The following CDH4 variants were observed in gnomAD, a reference collection of about 807,000 sequenced individuals.
The protein encoded by CDH4 is cadherin 4.
In CDH4, 33 loss-of-function variants were observed where a neutral mutation model predicts 86.0. That is an observed-to-expected ratio of 0.38 (90% CI 0.29 to 0.51). CDH4 has a LOEUF of 0.51. Ranked by LOEUF, CDH4 falls within the 20% of genes least tolerant of loss-of-function variation. The pLI, the probability that CDH4 is intolerant of heterozygous loss-of-function variation, is 0.86. For synonymous variants in CDH4, 555 were observed against 549.4 expected (o/e 1.01, Z -0.14); for missense variants, 1,114 against 1,307.4 (o/e 0.85, Z 2.28).
chr20:61,873,945 C>A (rs771208298), intron 7 of CDH4, 45 bp downstream of exon 7: 156 of 1,595,122 alleles, frequency 9.8e-5, no homozygotes, highest in Non-Finnish European at 1.3e-4. Flanking sequence ...AGCTCCTGGT[C>A]CCCGCAGGAC....
At chr20:61,442,222 A>G (rs1277425933) in intron 2 of CDH4, among the ~76,000 whole-genome samples, 5 of 152,220 alleles carry the variant, frequency 3.3e-5, no homozygotes, top group Admixed American at 3.3e-4. Context: ...TCCCAAACGC[A>G]GGGCAAGCTG....
intron 2 of CDH4, among the ~76,000 whole-genome samples, chr20:61,679,948 G>A (rs2087492134): frequency 6.6e-6 from 1 of 151,876 alleles, no homozygotes; most frequent in Non-Finnish European, 1.5e-5. Flanking sequence ...AGGGCCTCGG[G>A]TAGCCTGAGA....
rs1368142120 is a variant in CDH4 at position 61,501,934 on chromosome 20, A to C, written c.170-241629A>C. Among the ~76,000 whole-genome samples the C allele has an allele frequency of 1.3e-5, 2 of 152,010 alleles. No homozygotes were observed. The highest frequency in any genetic ancestry group is 2.9e-5 in the Non-Finnish European group (2 of 68,008). On this transcript the variant is annotated intron_variant, in intron 2 of 15. Coordinates refer to ENST00000614565, the MANE Select transcript of CDH4 (RefSeq NM_001794.5). The surrounding 1 kb of genome is among the most constrained non-coding windows in gnomAD (Gnocchi z 4.2). ...TCCTCTGAGGAATGCCTGAGTGAGG[A>C]CCCCGTGTAAAGTAAGATGAACCGA...
At chr20:61,852,934 TGG>T (rs746976722) in intron 6 of CDH4, 36 bp downstream of exon 6, 1 of 1,610,238 alleles carries the variant, frequency 6.2e-7, no homozygotes, top group South Asian at 1.1e-5. Flanking sequence ...GGAGACCCTG[TGG>T]GCTCTGCGGG....
chr20:61,566,474 C>T (rs762849981), intron 2 of CDH4, among the ~76,000 whole-genome samples: 7 of 152,136 alleles, frequency 4.6e-5, no homozygotes, highest in Admixed American at 6.5e-5. Context: ...TGGTTGCCAG[C>T]GTAGAACGCT....
At chr20:61,581,401 G>A (rs1274684522) in intron 2 of CDH4, among the ~76,000 whole-genome samples, 1 of 152,168 alleles carries the variant, frequency 6.6e-6, no homozygotes, top group African/African-American at 2.4e-5. Flanking sequence ...GAGGACCCTG[G>A]AGAATTCATT....
At chr20:61,654,413 TGGAAAGAGGGAGAGGGAGACCGTGGGGAG>T (rs1334557804) in intron 2 of CDH4, among the ~76,000 whole-genome samples, 2 of 152,014 alleles carry the variant, frequency 1.3e-5, no homozygotes, top group East Asian at 1.9e-4. Context: ...AGGGAGACCG[TGGAAAGAGGGAGAGGGAGACCGTGGGGAG>T]AGGGAGAGGG....
chr20:61,814,565 T>C (rs767260242), intron 4 of CDH4, among the ~76,000 whole-genome samples: 7 of 152,206 alleles, frequency 4.6e-5, no homozygotes, highest in Non-Finnish European at 5.9e-5. Flanking sequence ...AGAGACAACA[T>C]TTGCAGTGTG....
chr20:61,658,626 C>T (rs1396810025), intron 2 of CDH4, among the ~76,000 whole-genome samples: 1 of 152,202 alleles, frequency 6.6e-6, no homozygotes. Context: ...GGCTCGCCAC[C>T]CCATACATGT....
intron 2 of CDH4, among the ~76,000 whole-genome samples, chr20:61,737,578 C>T (rs749164409): frequency 3.9e-5 from 6 of 152,220 alleles, no homozygotes; most frequent in Non-Finnish European, 7.3e-5. Flanking sequence ...CTGTGCGGTT[C>T]CCGGCAGACC....
intron 6 of CDH4, among the ~76,000 whole-genome samples, chr20:61,873,343 C>A (rs1285314321): frequency 1.3e-5 from 2 of 152,228 alleles, no homozygotes; most frequent in African/African-American, 4.8e-5. Flanking sequence ...ACTGGGCTCC[C>A]TGCAGGAGTG....
intron 2 of CDH4, among the ~76,000 whole-genome samples, chr20:61,588,594 G>A (rs552826785): frequency 3.9e-5 from 6 of 152,122 alleles, no homozygotes; most frequent in Non-Finnish European, 7.3e-5. Context: ...TGTGGAGCCC[G>A]TGGCCTTTGG....
intron 2 of CDH4, among the ~76,000 whole-genome samples, chr20:61,272,045 A>G (rs1255602526): frequency 3.3e-5 from 5 of 152,166 alleles, no homozygotes; most frequent in Admixed American, 3.3e-4. Flanking sequence ...TCTTTCACTT[A>G]AAATTGTGTC....
intron 2 of CDH4, among the ~76,000 whole-genome samples, chr20:61,579,947 TAAA>T: frequency 6.7e-6 from 1 of 148,722 alleles, no homozygotes; most frequent in Non-Finnish European, 1.5e-5. Context: ...TTTCTGAATT[TAAA>T]AAAAAAAGCT....
chr20:61,644,142 A>G (rs1482042184), intron 2 of CDH4, among the ~76,000 whole-genome samples: 1 of 152,176 alleles, frequency 6.6e-6, no homozygotes, highest in Non-Finnish European at 1.5e-5. Flanking sequence ...AACTTGATCC[A>G]ATATCAGGAG....
At chr20:61,839,773 G>A (rs886984042) in intron 4 of CDH4, among the ~76,000 whole-genome samples, 3 of 150,310 alleles carry the variant, frequency 2.0e-5, no homozygotes, top group South Asian at 2.1e-4. Context: ...TATGTGTTGT[G>A]TGTGTACATG....
chr20:61,876,927 A>T (rs1380740427), intron 7 of CDH4, among the ~76,000 whole-genome samples: 2 of 152,184 alleles, frequency 1.3e-5, no homozygotes, highest in African/African-American at 4.8e-5. Flanking sequence ...TCTAGGCAAC[A>T]TCTGTGGACC....
At chr20:61,872,559 T>G (rs1983853862) in intron 6 of CDH4, among the ~76,000 whole-genome samples, 1 of 152,154 alleles carries the variant, frequency 6.6e-6, no homozygotes, top group South Asian at 2.1e-4. Context: ...ACTGCACAGG[T>G]AGAGGTTGCA....
chr20:61,492,118 T>A (rs2085629886), intron 2 of CDH4, among the ~76,000 whole-genome samples: 1 of 150,526 alleles, frequency 6.6e-6, no homozygotes, highest in African/African-American at 2.5e-5. Context: ...GTTGGTGGTG[T>A]CGATATTGTT....
Sources: gnomAD v4.1 joint callset for allele counts (sites outside exome capture counted in the v4.1 genomes callset) on GRCh38, gnomAD v4.1.1 for gene constraint, Gnocchi (gnomAD v3.1) non-coding constraint, MANE v1.5 for transcripts, NCBI Gene and HGNC (gene_info 2026-07-23, HGNC 2026-07-21) for gene names.